Variants in NAALADL2 observed in about 807,000 individuals in gnomAD.
The protein encoded by NAALADL2 is inactive N-acetylated-alpha-linked acidic dipeptidase-like protein 2.
A neutral mutation model predicts 87.2 loss-of-function variants in NAALADL2; 76 were observed. The ratio of observed to expected loss-of-function variants is 0.87; its 90% CI spans 0.72 to 1.05. NAALADL2 has a LOEUF of 1.05. NAALADL2 is among the 50% of genes least tolerant of loss of function. The probability of loss-of-function intolerance (pLI) is 0.00; values close to 1 mark genes in which losing one functional copy is unlikely to be tolerated. For missense variants in NAALADL2, 1,089 were observed against 945.8 expected, an observed-to-expected ratio of 1.15 and a Z score of -1.99; for synonymous variants, 354 against 331.0, an observed-to-expected ratio of 1.07 and a Z score of -0.75.
At chr3:174,825,598 G>A (rs1579085611) in intron 3 of NAALADL2, among the ~76,000 whole-genome samples, 2 of 152,162 alleles carry the variant, frequency 1.3e-5, no homozygotes, top group East Asian at 1.9e-4. Flanking sequence ...CAGCTATCTG[G>A]GCATCCCTTA....
chr3:175,081,886 G>A (rs983897541), intron 1 of NAALADL2, among the ~76,000 whole-genome samples: 3 of 151,954 alleles, frequency 2.0e-5, no homozygotes, highest in Non-Finnish European at 4.4e-5. Context: ...TATTGTTATT[G>A]CTTAATAATC....
At chr3:175,013,369 G>A (rs1345784803) in intron 1 of NAALADL2, among the ~76,000 whole-genome samples, 1 of 133,222 alleles carries the variant, frequency 7.5e-6, no homozygotes, top group African/African-American at 2.9e-5. Context: ...TGTGATCTCG[G>A]CTCATTGAAA....
chr3:174,851,415 G>T (rs562939435), intron 3 of NAALADL2, among the ~76,000 whole-genome samples: 49 of 147,250 alleles, frequency 3.3e-4, no homozygotes, highest in Non-Finnish European at 6.4e-4. Context: ...TAAAATCAGA[G>T]TTGAAAAAGG....
At chr3:175,588,763 C>T (rs905011137) in intron 10 of NAALADL2, among the ~76,000 whole-genome samples, 4 of 152,040 alleles carry the variant, frequency 2.6e-5, no homozygotes, top group Admixed American at 6.6e-5. Flanking sequence ...TGGTCTCGAT[C>T]TCCTGACCTC....
rs576477872 is a variant in NAALADL2 at position 174,466,522 on chromosome 3, C to T, written c.-184+25490C>T. 6.6e-5 allele frequency among the ~76,000 whole-genome samples: 10 copies of T among 152,220 alleles called. No individual in the cohort carries two copies. In the South Asian group the frequency reaches 1.9e-3, roughly 28 times the overall value. On this transcript the variant is annotated intron_variant, in intron 1 of 3. Transcript: ENST00000434257. ...CAGGGGAAAATGGATTTCAGGTGAC[C>T]ACTAGTAGTTGCTATGACACATTTA...
intron 9 of NAALADL2, 111 bp downstream of exon 9, chr3:175,471,869 TA>T: frequency 1.1e-6 from 1 of 908,336 alleles, no homozygotes. Context: ...AAATGTTGTA[TA>T]AGTGTTTTAA....
At chr3:175,087,962 T>C (rs1437397479) in intron 1 of NAALADL2, among the ~76,000 whole-genome samples, 1 of 151,814 alleles carries the variant, frequency 6.6e-6, no homozygotes, top group African/African-American at 2.4e-5. Context: ...GCAAGTTAAG[T>C]TTTATACTTT....
intron 1 of NAALADL2, among the ~76,000 whole-genome samples, chr3:175,086,524 A>AT (rs1201658920): frequency 6.6e-6 from 1 of 152,212 alleles, no homozygotes; most frequent in East Asian, 1.9e-4. Flanking sequence ...TGCATACAAT[A>AT]TTATAATAAA....
intron 11 of NAALADL2, among the ~76,000 whole-genome samples, chr3:175,706,578 A>C (rs1467137555): frequency 6.6e-6 from 1 of 152,174 alleles, no homozygotes; most frequent in Non-Finnish European, 1.5e-5. Context: ...CTGCAGGTTA[A>C]GAGGAACTAC....
chr3:175,425,180 A>G (rs1716569395), intron 5 of NAALADL2, among the ~76,000 whole-genome samples: 1 of 152,302 alleles, frequency 6.6e-6, no homozygotes, highest in Admixed American at 6.5e-5. Context: ...CGGTATCAGT[A>G]GAGGAGTAGA....
At chr3:175,749,754 A>G (rs74473172) in intron 12 of NAALADL2, among the ~76,000 whole-genome samples, 2,964 of 152,308 alleles carry the variant, frequency 0.019, 72 homozygotes, top group Non-Finnish European at 0.023. Context: ...CTCAGGTAAA[A>G]TGTAGTTTGT....
intron 2 of NAALADL2, among the ~76,000 whole-genome samples, 182 bp from the exon 3 acceptor site, chr3:175,233,749 T>C (rs576972370): frequency 6.6e-6 from 1 of 152,308 alleles, no homozygotes; most frequent in East Asian, 1.9e-4. Flanking sequence ...CAGTTCTTAA[T>C]TTAAGAAACT....
intron 1 of NAALADL2, among the ~76,000 whole-genome samples, chr3:174,915,589 TTTA>T (rs1360867810): frequency 3.9e-5 from 6 of 152,150 alleles, no homozygotes; most frequent in African/African-American, 1.4e-4. Context: ...TTCAGATTTA[TTTA>T]TTATATTTAT....
chr3:174,751,007 A>G (rs1313842389), intron 3 of NAALADL2, among the ~76,000 whole-genome samples: 2 of 152,118 alleles, frequency 1.3e-5, no homozygotes, highest in Non-Finnish European at 2.9e-5. Context: ...GTTTTCTTCA[A>G]TTATAATAGT....
intron 1 of NAALADL2, among the ~76,000 whole-genome samples, chr3:175,055,725 G>A (rs73038465): frequency 0.08 from 12,201 of 151,998 alleles, 1,596 homozygotes; most frequent in African/African-American, 0.28. Context: ...TCCCCTATCC[G>A]GTGGCCTGAC....
At chr3:175,066,468 A>G (rs1477271848) in intron 1 of NAALADL2, among the ~76,000 whole-genome samples, 1 of 152,076 alleles carries the variant, frequency 6.6e-6, no homozygotes, top group African/African-American at 2.4e-5. Flanking sequence ...TTGCACTGAG[A>G]CTGCCACAAA....
At chr3:175,326,575 T>C (rs1367625513) in intron 5 of NAALADL2, among the ~76,000 whole-genome samples, 2 of 152,206 alleles carry the variant, frequency 1.3e-5, no homozygotes, top group African/African-American at 4.8e-5. Context: ...GTTGCTATAA[T>C]GGAGTGCTTG....
At chr3:175,723,954 C>A (rs1403888727) in intron 11 of NAALADL2, among the ~76,000 whole-genome samples, 3 of 152,036 alleles carry the variant, frequency 2.0e-5, no homozygotes, top group Non-Finnish European at 4.4e-5. Context: ...TTCATAGTAA[C>A]CAGTGTTCTC....
chr3:174,844,368 G>C (rs1724358451), intron 3 of NAALADL2, among the ~76,000 whole-genome samples: 2 of 152,104 alleles, frequency 1.3e-5, no homozygotes, highest in Admixed American at 1.3e-4. Context: ...TTTTATGCTA[G>C]TGCCATGATG....
Sources: gnomAD v4.1 joint callset for allele counts (sites outside exome capture counted in the v4.1 genomes callset) on GRCh38, gnomAD v4.1.1 for gene constraint, MANE v1.5 for transcripts, NCBI Gene and HGNC (gene_info 2026-07-23, HGNC 2026-07-21) for gene names.